Variants in AFG1L observed in about 807,000 individuals in gnomAD.
AFG1L encodes AFG1 like ATPase.
A neutral mutation model predicts 62.2 loss-of-function variants in AFG1L; 53 were observed. The observed-to-expected ratio is 0.85, with a 90% confidence interval of 0.68 to 1.07. The LOEUF (loss-of-function observed/expected upper bound fraction) is 1.07. Among genes scored for constraint, AFG1L ranks in the 50% least tolerant of loss-of-function variants. The probability of loss-of-function intolerance (pLI) is 0.00; values close to 1 mark genes in which losing one functional copy is unlikely to be tolerated. For missense variants in AFG1L, 555 were observed against 590.5 expected, an observed-to-expected ratio of 0.94 and a Z score of 0.62; for synonymous variants, 228 against 210.3, an observed-to-expected ratio of 1.08 and a Z score of -0.73.
intron 10 of AFG1L, among the ~76,000 whole-genome samples, chr6:108,500,171 C>CGTGTGCGTGT (rs1774132978): frequency 1.5e-5 from 2 of 135,070 alleles, no homozygotes; most frequent in Non-Finnish European, 3.1e-5. Context: ...ATGGTGCGTG[C>CGTGTGCGTGT]GTGTGTGTGT....
Position 108,519,789 on chromosome 6 carries a change from GGAT to G in AFG1L, c.1300_1302del (p.Asp434del), listed in dbSNP as rs1562210055. Reference sequence around the variant, plus strand: ...AGTTGGAGCAAAGCAGAATACTGATGGATGATTTGGGGCTGAGCCAGGTAGGCG... The same window carrying G: ...AGTTGGAGCAAAGCAGAATACTGATGGATTTGGGGCTGAGCCAGGTAGGCG... On this transcript the variant is annotated inframe_deletion, in exon 12 of 13. Transcript: ENST00000368977. 1.2e-6 allele frequency: 2 copies of G among 1,609,206 alleles called. No individual in the cohort carries two copies. Among genetic ancestry groups the G allele is most frequent in the Non-Finnish European group, 1.7e-6 (2 of 1,177,856 alleles).
chr6:108,521,821 T>G (rs951990806), intron 12 of AFG1L: 1 of 153,136 alleles, frequency 6.5e-6, no homozygotes, highest in Non-Finnish European at 1.5e-5. Flanking sequence ...AAAACAGCCC[T>G]GCCTTTCAGC....
chr6:108,446,298 C>T (rs1212647939), intron 7 of AFG1L, among the ~76,000 whole-genome samples: 1 of 151,940 alleles, frequency 6.6e-6, no homozygotes, highest in Non-Finnish European at 1.5e-5. Context: ...CACAGGGTGA[C>T]TCGGGTTGAA....
chr6:108,388,749 T>TTA (rs1160932866), intron 6 of AFG1L, among the ~76,000 whole-genome samples: 4 of 151,498 alleles, frequency 2.6e-5, no homozygotes, highest in African/African-American at 7.3e-5. Flanking sequence ...AGACAGTTTG[T>TTA]TATAATTTCT....
intron 6 of AFG1L, among the ~76,000 whole-genome samples, chr6:108,369,919 TCTGGCTGGCTGG>T (rs138862500): frequency 6.9e-6 from 1 of 145,482 alleles, no homozygotes; most frequent in East Asian, 2.0e-4. Flanking sequence ...CCCAGATTGA[TCTGGCTGGCTGG>T]CTGGCTGGCT....
chr6:108,455,685 A>G (rs1280207710), intron 8 of AFG1L, among the ~76,000 whole-genome samples: 1 of 151,780 alleles, frequency 6.6e-6, no homozygotes, highest in African/African-American at 2.4e-5. Context: ...CTCCTGATTT[A>G]TTTTTTGGCC....
intron 2 of AFG1L, among the ~76,000 whole-genome samples, chr6:108,335,308 A>C (rs755255299): frequency 6.6e-6 from 1 of 152,166 alleles, no homozygotes; most frequent in Non-Finnish European, 1.5e-5. Context: ...TGAAGATCCC[A>C]GCCCACTGCC....
intron 8 of AFG1L, among the ~76,000 whole-genome samples, chr6:108,463,409 CTT>C (rs34658383): frequency 0.054 from 7,363 of 135,652 alleles, 240 homozygotes; most frequent in South Asian, 0.17. Context: ...CTTCTCCCTC[CTT>C]TTTTTTTTTT....
chr6:108,344,579 C>G (rs1398099135), intron 2 of AFG1L, among the ~76,000 whole-genome samples: 1 of 152,106 alleles, frequency 6.6e-6, no homozygotes, highest in East Asian at 1.9e-4. Context: ...GAGTGAGACC[C>G]TGTCTCTAAA....
intron 1 of AFG1L, among the ~76,000 whole-genome samples, chr6:108,319,161 G>T (rs990105367): frequency 3.9e-5 from 6 of 152,136 alleles, no homozygotes; most frequent in Admixed American, 3.3e-4. Flanking sequence ...CTCTCCAAAG[G>T]CAGATGCCAA....
At chr6:108,380,580 G>C (rs536789588) in intron 6 of AFG1L, among the ~76,000 whole-genome samples, 1 of 152,288 alleles carries the variant, frequency 6.6e-6, no homozygotes, top group East Asian at 1.9e-4. Context: ...TCTGGATGTG[G>C]AGGCCCCCTA....
intron 8 of AFG1L, 26 bp from the exon 9 acceptor site, chr6:108,476,839 A>G: frequency 6.3e-7 from 1 of 1,575,990 alleles, no homozygotes; most frequent in Non-Finnish European, 8.7e-7. Flanking sequence ...TATTAATTTC[A>G]TATTCTATTA....
intron 2 of AFG1L, among the ~76,000 whole-genome samples, chr6:108,331,343 A>AT (rs1163042378): frequency 2.6e-5 from 4 of 151,920 alleles, no homozygotes; most frequent in Middle Eastern, 3.2e-3. Context: ...TGGTGGACTT[A>AT]TTTTTTTTCC....
intron 2 of AFG1L, among the ~76,000 whole-genome samples, chr6:108,342,053 A>T (rs943298944): frequency 3.3e-5 from 5 of 152,178 alleles, no homozygotes; most frequent in African/African-American, 1.2e-4. Context: ...TGGAAGGGCA[A>T]AGGAGGAGAC....
At chr6:108,366,621 C>T (rs1779772365) in intron 6 of AFG1L, among the ~76,000 whole-genome samples, 1 of 150,318 alleles carries the variant, frequency 6.7e-6, no homozygotes, top group Non-Finnish European at 1.5e-5. Context: ...GCAAAAAATG[C>T]AGGCCTTTTG....
chr6:108,330,180 TTA>T (rs1475761772), intron 2 of AFG1L, among the ~76,000 whole-genome samples: 1,930 of 84,682 alleles, frequency 0.023, 26 homozygotes, highest in Middle Eastern at 0.081. Flanking sequence ...AATTCCTTTT[TTA>T]TTTTTTTTTT....
At chr6:108,328,431 T>G (rs1778142080) in intron 2 of AFG1L, among the ~76,000 whole-genome samples, 1 of 152,186 alleles carries the variant, frequency 6.6e-6, no homozygotes, top group Non-Finnish European at 1.5e-5. Flanking sequence ...GGTCTCACTC[T>G]ATTGCCTAGC....
intron 7 of AFG1L, among the ~76,000 whole-genome samples, chr6:108,419,850 A>AT (rs1036310561): frequency 2.6e-5 from 4 of 152,184 alleles, no homozygotes; most frequent in African/African-American, 9.7e-5. Context: ...CCATGGTGTG[A>AT]TTTCCAGCTA....
chr6:108,412,161 A>G (rs1782147394), intron 7 of AFG1L, among the ~76,000 whole-genome samples: 2 of 152,234 alleles, frequency 1.3e-5, no homozygotes, highest in African/African-American at 2.4e-5. Context: ...AAGAAAGGGT[A>G]TCAGTGATTG....
Sources: gnomAD v4.1 joint callset for allele counts (sites outside exome capture counted in the v4.1 genomes callset) on GRCh38, gnomAD v4.1.1 for gene constraint, MANE v1.5 for transcripts, NCBI Gene and HGNC (gene_info 2026-07-23, HGNC 2026-07-21) for gene names.